Variants in MAP3K20 observed in about 807,000 individuals in gnomAD.
MAP3K20 encodes HCCS-4.
Under a neutral mutation model 85.7 loss-of-function variants are expected in MAP3K20, and 40 were observed. The observed-to-expected ratio is 0.47, with a 90% CI of 0.36 to 0.61. MAP3K20 has a LOEUF of 0.61. Ranked by LOEUF, MAP3K20 falls within the 20% of genes least tolerant of loss-of-function variation. The pLI is 0.00. For synonymous variants in MAP3K20, 325 were observed against 327.7 expected (o/e 0.99, Z 0.09); for missense variants, 817 against 961.7 (o/e 0.85, Z 1.99).
At chr2:173,197,471 G>A (rs534029742) in intron 7 of MAP3K20, among the ~76,000 whole-genome samples, 4 of 152,198 alleles carry the variant, frequency 2.6e-5, no homozygotes, top group African/African-American at 4.8e-5. Context: ...CTCATTTTGC[G>A]GGAGATTTCT....
chr2:173,239,305 AATAG>A (rs2106337524), intron 15 of MAP3K20, 95 bp from the exon 16 acceptor site: 36 of 946,254 alleles, frequency 3.8e-5, no homozygotes, highest in Middle Eastern at 2.9e-4. Context: ...AATAGATTAG[AATAG>A]AAAAAAAAAA....
At chr2:173,193,150 C>T (rs1690714277) in intron 7 of MAP3K20, 1 of 152,146 alleles carries the variant, frequency 6.6e-6, no homozygotes, top group Admixed American at 6.5e-5. Flanking sequence ...TGCTCCCACT[C>T]CTTTAATGTG....
intron 14 of MAP3K20, among the ~76,000 whole-genome samples, 172 bp from the exon 15 acceptor site, chr2:173,238,201 A>C (rs896002100): frequency 6.6e-6 from 1 of 152,174 alleles, no homozygotes; most frequent in African/African-American, 2.4e-5. Flanking sequence ...ATTACAAACC[A>C]CCTACACTGC....
At position 173,267,257 on chromosome 2, in the gene MAP3K20, T is replaced by TTA. The variant is rs1685447373; in HGVS notation, c.*507_*508insTA. 1 of 152,252 alleles carries TTA rather than the reference T, an allele frequency of 6.6e-6. No individual in the cohort carries two copies. The highest frequency in any genetic ancestry group is 2.1e-4 in the South Asian group (1 of 4,836). 9.4% of individuals were successfully genotyped at this position (152,252 alleles called of 1,614,324 possible). Reference sequence around the variant, plus strand: ...TATTTTTTTAAATATTGCATTAAAATATCATTTAGCTTGATTATCGAGTTT... The same window carrying TTA: ...TATTTTTTTAAATATTGCATTAAAATTAATCATTTAGCTTGATTATCGAGTTT... On this transcript the variant is annotated 3_prime_UTR_variant, in exon 20 of 20. Coordinates refer to ENST00000375213, the MANE Select transcript of MAP3K20 (RefSeq NM_016653.3).
chr2:173,120,259 G>A (rs780974494), intron 2 of MAP3K20, among the ~76,000 whole-genome samples: 1 of 152,006 alleles, frequency 6.6e-6, no homozygotes, highest in Non-Finnish European at 1.5e-5. Flanking sequence ...ACCTGATGGG[G>A]TGACCTGAAC....
intron 1 of MAP3K20, chr2:173,090,610 A>G (rs1687265993): frequency 4.0e-6 from 4 of 991,548 alleles, no homozygotes; most frequent in Non-Finnish European, 4.8e-6. Flanking sequence ...CTCAGATGCC[A>G]GGGGAGCTAT....
chr2:173,262,897 A>T (rs1251067586), intron 18 of MAP3K20, among the ~76,000 whole-genome samples: 1 of 152,244 alleles, frequency 6.6e-6, no homozygotes, highest in Admixed American at 6.5e-5. Context: ...TCGGACAATT[A>T]GAACAACCAG....
intron 11 of MAP3K20, chr2:173,225,243 C>T: frequency 1.7e-6 from 1 of 601,110 alleles, no homozygotes; most frequent in Non-Finnish European, 2.1e-6. Context: ...ATTTGCTGCC[C>T]AGTGCCAGGA....
intron 3 of MAP3K20, among the ~76,000 whole-genome samples, chr2:173,182,316 A>G (rs999580865): frequency 6.6e-6 from 1 of 152,156 alleles, no homozygotes; most frequent in Non-Finnish European, 1.5e-5. Context: ...AACTTTATGA[A>G]CTTACTAAAA....
chr2:173,147,677 C>T (rs1689174571), intron 2 of MAP3K20, among the ~76,000 whole-genome samples: 1 of 152,160 alleles, frequency 6.6e-6, no homozygotes, highest in Non-Finnish European at 1.5e-5. Flanking sequence ...ACCTCCGCCT[C>T]CCGGGTTCAA....
chr2:173,131,832 G>A (rs1212798879), intron 2 of MAP3K20, among the ~76,000 whole-genome samples: 1 of 152,158 alleles, frequency 6.6e-6, no homozygotes, highest in Non-Finnish European at 1.5e-5. Flanking sequence ...AAGAATAAAT[G>A]TGATGTGATA....
intron 14 of MAP3K20, among the ~76,000 whole-genome samples, chr2:173,236,244 G>A (rs1278132418): frequency 2.8e-5 from 4 of 143,460 alleles, no homozygotes; most frequent in Non-Finnish European, 6.0e-5. Flanking sequence ...CTACAGCCTG[G>A]GCAATAGAGT....
intron 11 of MAP3K20, chr2:173,226,131 C>T (rs768127350): frequency 1.7e-4 from 170 of 978,728 alleles, no homozygotes; most frequent in Middle Eastern, 5.2e-4. Context: ...ATTTGTTAGA[C>T]TTTTAAACAC....
intron 2 of MAP3K20, among the ~76,000 whole-genome samples, chr2:173,145,034 GA>G (rs1321963508): frequency 3.3e-5 from 5 of 151,856 alleles, no homozygotes; most frequent in African/African-American, 9.7e-5. Context: ...ATATGCATAT[GA>G]AAAAAAGGGA....
rs1685424306 is a variant in MAP3K20, at chr2:173,266,419, C to T, written c.2072C>T (p.Ser691Phe). ...CGTGGTAGTATATCACTCAATTCTT[C>T]TCCTAGAGGAAGATACAGTGGAAAG... ...YGRGSISLNS[S>F]PRGRYSGKSQ... Residue 691 changes from serine (S) to phenylalanine (F), a missense_variant, in exon 20 of 20, where the codon TCT becomes TTT. This residue lies in a region of MAP3K20 where 454 missense variants were observed against 476.9 expected (regional missense o/e 0.95). Coordinates refer to ENST00000375213, the MANE Select transcript of MAP3K20 (RefSeq NM_016653.3). The T allele has an allele frequency of 6.2e-7, 1 of 1,613,956 alleles. No individual in the cohort carries two copies. The highest frequency in any genetic ancestry group is 1.3e-5 in the African/African-American group (1 of 74,910).
chr2:173,207,519 A>G (rs1229596400), intron 9 of MAP3K20: 2 of 152,236 alleles, frequency 1.3e-5, no homozygotes, highest in Admixed American at 6.5e-5. Context: ...AGTTGAAGTC[A>G]TAAGTTCAAT....
At chr2:173,174,502 C>G (rs1559263832) in intron 3 of MAP3K20, among the ~76,000 whole-genome samples, 1 of 152,190 alleles carries the variant, frequency 6.6e-6, no homozygotes, top group African/African-American at 2.4e-5. Context: ...ATGATGGTTT[C>G]AGTTTCATCC....
intron 2 of MAP3K20, among the ~76,000 whole-genome samples, chr2:173,116,384 A>G (rs971093882): frequency 3.9e-5 from 6 of 152,162 alleles, no homozygotes; most frequent in African/African-American, 1.4e-4. Context: ...TATTCCTCCT[A>G]ACCAAAATCT....
chr2:173,122,084 C>T (rs1329241563), intron 2 of MAP3K20, among the ~76,000 whole-genome samples: 1 of 152,260 alleles, frequency 6.6e-6, no homozygotes, highest in African/African-American at 2.4e-5. Flanking sequence ...ATCTTACAAT[C>T]TTCTTCTATT....
Sources: gnomAD v4.1 joint callset for allele counts (sites outside exome capture counted in the v4.1 genomes callset) on GRCh38, gnomAD v4.1.1 for gene constraint, gnomAD v4.1.1 regional missense constraint, MANE v1.5 for transcripts, NCBI Gene and HGNC (gene_info 2026-07-23, HGNC 2026-07-21) for gene names.